The following DEPDC5 variants were observed in gnomAD, a reference collection of about 807,000 sequenced individuals.
The protein encoded by DEPDC5 is GATOR1 complex protein DEPDC5.
In DEPDC5, 73 loss-of-function variants were observed where a neutral mutation model predicts 217.3. That is an observed-to-expected ratio of 0.34 (90% CI 0.28 to 0.41). DEPDC5 has a LOEUF of 0.41. Ranked by LOEUF, DEPDC5 falls within the 10% of genes least tolerant of loss-of-function variation. DEPDC5 has a pLI of 1.00. For synonymous variants in DEPDC5, 733 were observed against 756.7 expected, an observed-to-expected ratio of 0.97 and a Z score of 0.51; for missense variants, 1,675 against 2,070.1, an observed-to-expected ratio of 0.81 and a Z score of 3.70.
chr22:31,755,100 T>G, intron 2 of DEPDC5, 121 bp downstream of exon 2: 2 of 1,100,508 alleles, frequency 1.8e-6, no homozygotes, highest in East Asian at 4.7e-5. Flanking sequence ...CTAAACAGAC[T>G]AAAGCAGCAA....
At chr22:31,866,471 C>T (rs1428386593) in intron 33 of DEPDC5, among the ~76,000 whole-genome samples, 4 of 152,086 alleles carry the variant, frequency 2.6e-5, no homozygotes, top group South Asian at 2.1e-4. Flanking sequence ...CTGCAACCTC[C>T]GCCTCCCGAG....
rs145030100 is a variant in DEPDC5 at position 31,812,043 on chromosome 22, C to T, written c.1445+1402C>T. Among the ~76,000 whole-genome samples the T allele has an allele frequency of 6.3e-3, 955 of 151,448 alleles. 10 individuals carry two copies. The highest frequency in any genetic ancestry group is 0.021 in the African/African-American group (881 of 41,228). ...TTGCCCTGTCTCCTAGGCTGGAGTG[C>T]AGTGCTGCAATCTCGGCTCACTGCA... On this transcript the variant is annotated intron_variant, in intron 20 of 42. Coordinates refer to ENST00000651528, the MANE Select transcript of DEPDC5 (RefSeq NM_001242896.3).
intron 23 of DEPDC5, among the ~76,000 whole-genome samples, chr22:31,822,094 T>C (rs1457343715): frequency 6.6e-6 from 1 of 152,238 alleles, no homozygotes; most frequent in African/African-American, 2.4e-5. Context: ...AAATGAAGGC[T>C]TATGTTTATA....
chr22:31,883,318 TGCGTGATAAGG>T (rs1336664749), intron 38 of DEPDC5, among the ~76,000 whole-genome samples: 1 of 152,158 alleles, frequency 6.6e-6, no homozygotes, highest in Non-Finnish European at 1.5e-5. Flanking sequence ...GTCAAGTTGA[TGCGTGATAAGG>T]GCGTGCTTTC....
chr22:31,789,453 G>A (rs1199870543), intron 10 of DEPDC5, among the ~76,000 whole-genome samples: 1 of 152,152 alleles, frequency 6.6e-6, no homozygotes. Flanking sequence ...ATAATATAGA[G>A]ATTAGTGGTT....
Position 31,906,501 on chromosome 22 carries a change from C to CAGGCTGCACCAGGGTTAGA in DEPDC5, c.*14_*15insAGGGTTAGAAGGCTGCACC, listed in dbSNP as rs566255762. ...GATGCATGCCAGTGCCCCGTGAGGC[C>CAGGCTGCACCAGGGTTAGA]AGGCTGCACCTGTGCTGGGGGAAGG... On this transcript the variant is annotated 3_prime_UTR_variant, in exon 43 of 43. Coordinates refer to ENST00000651528, the MANE Select transcript of DEPDC5 (RefSeq NM_001242896.3). The surrounding 1 kb of genome is among the most constrained non-coding windows in gnomAD (Gnocchi z 5.1). 0.019 allele frequency: 30,211 copies of CAGGCTGCACCAGGGTTAGA among 1,612,724 alleles called. 322 individuals are homozygous for CAGGCTGCACCAGGGTTAGA. The highest frequency in any genetic ancestry group is 0.025 in the South Asian group (2,276 of 91,060).
At chr22:31,798,764 A>T (rs2086542248) in intron 14 of DEPDC5, 108 bp downstream of exon 14, 13 of 1,094,290 alleles carry the variant, frequency 1.2e-5, no homozygotes, top group Middle Eastern at 2.8e-4. Context: ...GATCTTGCAG[A>T]AGAAAGAATT....
chr22:31,851,928 C>T (rs1032387839), intron 31 of DEPDC5, among the ~76,000 whole-genome samples: 4 of 152,098 alleles, frequency 2.6e-5, no homozygotes, highest in African/African-American at 9.7e-5. Flanking sequence ...TGGTGGCTCA[C>T]GCCTGTAATC....
At chr22:31,838,061 A>G (rs1357666668) in intron 26 of DEPDC5, among the ~76,000 whole-genome samples, 2 of 151,930 alleles carry the variant, frequency 1.3e-5, no homozygotes, top group East Asian at 1.9e-4. Flanking sequence ...GACATCAACT[A>G]TTTCTCCTCG....
At chr22:31,831,832 T>G (rs2090620787) in intron 24 of DEPDC5, among the ~76,000 whole-genome samples, 1 of 152,224 alleles carries the variant, frequency 6.6e-6, no homozygotes, top group Admixed American at 6.5e-5. Context: ...CTGTGAGTTT[T>G]GACAAATGCA....
chr22:31,819,424 T>A (rs994137276), intron 22 of DEPDC5, among the ~76,000 whole-genome samples, 199 bp downstream of exon 22: 6 of 151,956 alleles, frequency 3.9e-5, no homozygotes, highest in Non-Finnish European at 7.4e-5. Flanking sequence ...TGTAACTAAT[T>A]AGCTGTATAA....
At chr22:31,861,220 C>T in intron 32 of DEPDC5, 148 bp from the exon 33 acceptor site, 9 of 469,604 alleles carry the variant, frequency 1.9e-5, no homozygotes, top group South Asian at 1.4e-4. Flanking sequence ...TTCATATGTC[C>T]TTGTTTCTCT....
intron 22 of DEPDC5, among the ~76,000 whole-genome samples, chr22:31,820,892 TGTG>T (rs1357059730): frequency 1.3e-5 from 2 of 152,236 alleles, no homozygotes; most frequent in Non-Finnish European, 2.9e-5. Flanking sequence ...TGGCTAATCT[TGTG>T]GTCTCCTGCA....
chr22:31,777,031 C>G (rs541139270), intron 7 of DEPDC5, among the ~76,000 whole-genome samples: 1 of 151,344 alleles, frequency 6.6e-6, no homozygotes, highest in Non-Finnish European at 1.5e-5. Flanking sequence ...GGTGCGATCT[C>G]GGCTCACTGA....
chr22:31,905,893 G>A, intron 41 of DEPDC5, 91 bp from the exon 42 acceptor site: 1 of 1,138,510 alleles, frequency 8.8e-7, no homozygotes, highest in East Asian at 2.4e-5. Flanking sequence ...CTGTGTCTCA[G>A]GCTGTCCGAG....
chr22:31,802,920 T>TA, intron 15 of DEPDC5, 82 bp downstream of exon 15: 2 of 1,456,128 alleles, frequency 1.4e-6, no homozygotes, highest in South Asian at 1.5e-5. Context: ...ACTGACTTCT[T>TA]AGAGTGTGAG....
In DEPDC5 at chr22:31,804,228, T is replaced by C; in HGVS notation, c.1143+5T>C. Reference sequence around the variant, plus strand: ...CATGCTGTCCCATTGTTCAAGGTAATTAGATTTCGGATTTGTTTACTAAAG... The same window carrying C: ...CATGCTGTCCCATTGTTCAAGGTAACTAGATTTCGGATTTGTTTACTAAAG... On this transcript the variant is annotated splice_donor_5th_base_variant and intron_variant, in intron 16 of 42. Coordinates refer to ENST00000651528, the MANE Select transcript of DEPDC5 (RefSeq NM_001242896.3). 6.2e-7 allele frequency: 1 copy of C among 1,614,028 alleles called. No homozygotes were observed. The highest frequency in any genetic ancestry group is 8.5e-7 in the Non-Finnish European group (1 of 1,179,956).
intron 38 of DEPDC5, among the ~76,000 whole-genome samples, chr22:31,885,754 G>A (rs1307700656): frequency 6.8e-6 from 1 of 146,962 alleles, no homozygotes; most frequent in Non-Finnish European, 1.5e-5. Flanking sequence ...AGACAGGGTT[G>A]GCCAGGCACA....
chr22:31,871,010 G>C (rs1172484244), intron 34 of DEPDC5, among the ~76,000 whole-genome samples: 1 of 152,230 alleles, frequency 6.6e-6, no homozygotes, highest in Non-Finnish European at 1.5e-5. Context: ...GCTTCCGGAA[G>C]GGGGCTCTGT....
Sources: allele counts gnomAD v4.1 joint callset (sites outside exome capture counted in the v4.1 genomes callset), GRCh38; gene constraint gnomAD v4.1.1; non-coding constraint Gnocchi (gnomAD v3.1); transcripts MANE v1.5; gene names NCBI Gene and HGNC (gene_info 2026-07-23, HGNC 2026-07-21).